Variants in AGL observed in about 807,000 individuals in gnomAD.
AGL encodes the protein glycogen debranching enzyme.
In AGL, 128 loss-of-function variants were observed where a neutral mutation model predicts 199.3. The observed-to-expected ratio is 0.64, with a 90% confidence interval of 0.56 to 0.74. The LOEUF (loss-of-function observed/expected upper bound fraction) is 0.74, where lower values mean the gene tolerates loss of function less well. Ranked by LOEUF, AGL falls within the 30% of genes least tolerant of loss-of-function variation. AGL has a pLI of 0.00. For missense variants in AGL, 1,809 were observed against 1,820.8 expected, an observed-to-expected ratio of 0.99 and a Z score of 0.12; for synonymous variants, 584 against 594.7, an observed-to-expected ratio of 0.98 and a Z score of 0.26.
chr1:99,881,109 A>G lies in AGL; in HGVS notation c.1933A>G (p.Thr645Ala), dbSNP rs576969969. 5.1e-5 allele frequency: 82 copies of G among 1,613,824 alleles called. No individual in the cohort carries two copies. Among genetic ancestry groups the G allele is most frequent in the Admixed American group, 3.3e-4 (20 of 59,988 alleles). The change falls in exon 15 of 34, where the codon ACA (threonine) becomes GCA (alanine). Residue 645 changes from threonine (T) to alanine (A), a missense_variant. By Grantham distance (58) the Thr-to-Ala change is moderately conservative. Coordinates refer to ENST00000361915, the MANE Select transcript of AGL (RefSeq NM_000642.3). Reference protein sequence around the residue: ...RSAYDALPSTTIVSMACCASG... With the variant: ...RSAYDALPSTAIVSMACCASG... Reference sequence around the variant, plus strand: ...AGCGTATGATGCTCTTCCAAGTACTACAATTGTTTCTATGGCATGTTGTGC... The same window carrying G: ...AGCGTATGATGCTCTTCCAAGTACTGCAATTGTTTCTATGGCATGTTGTGC...
chr1:99,880,361 T>C (rs1651911098), intron 13 of AGL, among the ~76,000 whole-genome samples: 1 of 152,196 alleles, frequency 6.6e-6, no homozygotes, highest in East Asian at 1.9e-4. Context: ...GATGTAATGT[T>C]TAGATGTTTT....
chr1:99,910,870 G>A (rs376893497), intron 28 of AGL, 23 bp downstream of exon 28: 3 of 1,605,128 alleles, frequency 1.9e-6, no homozygotes, highest in African/African-American at 2.7e-5. Context: ...TTATAATGCT[G>A]TGTAATTATA....
intron 12 of AGL, among the ~76,000 whole-genome samples, chr1:99,878,735 T>C (rs1651773413): frequency 6.6e-6 from 1 of 152,156 alleles, no homozygotes; most frequent in Non-Finnish European, 1.5e-5. Flanking sequence ...AGCAGTATTA[T>C]AATATATATT....
At chr1:99,892,306 G>A in intron 23 of AGL, 126 bp from the exon 24 acceptor site, 1 of 883,130 alleles carries the variant, frequency 1.1e-6, no homozygotes, top group Non-Finnish European at 1.7e-6. Flanking sequence ...TTTTAAAAAT[G>A]TTAAGTAATA....
intron 24 of AGL, among the ~76,000 whole-genome samples, chr1:99,893,359 T>C (rs1653055249): frequency 6.6e-6 from 1 of 152,204 alleles, no homozygotes; most frequent in African/African-American, 2.4e-5. Flanking sequence ...GAAAATTACC[T>C]TTCCATTAAA....
Position 99,864,401 on chromosome 1 carries a change from A to G in AGL, c.476A>G (p.His159Arg), listed in dbSNP as rs2101093703. Residue 159 changes from histidine (H) to arginine (R), a missense_variant, in exon 5 of 34, where the codon CAT becomes CGT. By Grantham distance (29) the His-to-Arg change is conservative. Transcript: ENST00000361915. ...VAKESGYNMI[H>R]FTPLQTLGLS... ...TGCTTTGCAGGCTACAACATGATTCATTTTACCCCATTGCAGACTCTTGGA... is the reference window on the plus strand; with the variant it reads ...TGCTTTGCAGGCTACAACATGATTCGTTTTACCCCATTGCAGACTCTTGGA... 1 of 1,613,666 alleles carries G rather than the reference A, an allele frequency of 6.2e-7. No individual in the cohort carries two copies. The highest frequency in any genetic ancestry group is 8.5e-7 in the Non-Finnish European group (1 of 1,179,740).
Position 99,879,970 on chromosome 1 carries a change from A to G in AGL, c.1659A>G (p.Val553=), listed in dbSNP as rs2101145334. ...ATTTGCAACCCAATTTATATGTAGTAGCTGAACTGTTCACAGGAAGTGAAG... is the reference window on the plus strand; with the variant it reads ...ATTTGCAACCCAATTTATATGTAGTGGCTGAACTGTTCACAGGAAGTGAAG... ...ARNLQPNLYV[V]AELFTGSEDL... The change falls in exon 13 of 34, where the codon GTA becomes GTG. Residue 553 remains valine (V), a synonymous_variant. Coordinates refer to ENST00000361915, the MANE Select transcript of AGL (RefSeq NM_000642.3). 1 of 1,613,756 alleles carries G rather than the reference A, an allele frequency of 6.2e-7. No homozygotes were observed. Among genetic ancestry groups the G allele is most frequent in the Non-Finnish European group, 8.5e-7 (1 of 1,179,806 alleles).
rs377514429 is a variant in AGL at position 99,901,972 on chromosome 1, C to T, written c.3589-711C>T. The stretch of plus-strand genomic sequence containing the variant: ...TATTTTACACATAACTTTGTTTTCT[C>T]ACAGTTTATCCAAAAATATTCACAG... On this transcript the variant is annotated intron_variant, in intron 26 of 33. Coordinates refer to ENST00000361915, the MANE Select transcript of AGL (RefSeq NM_000642.3). 2.0e-4 allele frequency among the ~76,000 whole-genome samples: 31 copies of T among 152,030 alleles called. 1 individual carries two copies. In the East Asian group the frequency reaches 5.4e-3, roughly 26 times the overall value.
intron 22 of AGL, 27 bp downstream of exon 22, chr1:99,891,383 A>G (rs1231092717): frequency 3.7e-6 from 6 of 1,612,310 alleles, no homozygotes; most frequent in East Asian, 4.5e-5. Flanking sequence ...TATCGTCCCA[A>G]AAAATCAAGG....
At position 99,876,527 on chromosome 1, in the gene AGL, AGC is replaced by A. The variant is rs1216418815; in HGVS notation, c.1354_1355del (p.Ala452LeufsTer14). 6.2e-7 allele frequency: 1 copy of A among 1,613,904 alleles called. No individual in the cohort carries two copies. Among genetic ancestry groups the A allele is most frequent in the South Asian group, 1.1e-5 (1 of 91,068 alleles). ...EESMIHLPNK[A>X]CFLMAHNGWV... ...AATCTATGATTCATCTGCCAAATAAAGCTTGTTTTCTGATGGCACACAATGGA... is the reference window on the plus strand; with the variant it reads ...AATCTATGATTCATCTGCCAAATAAATTGTTTTCTGATGGCACACAATGGA... On this transcript the variant is annotated frameshift_variant, in exon 11 of 34. Coordinates refer to ENST00000361915, the MANE Select transcript of AGL (RefSeq NM_000642.3). LOFTEE classifies it high-confidence loss of function.
Position 99,861,516 on chromosome 1 carries a change from G to A in AGL, c.96G>A (p.Gln32=). 1 of 1,613,976 alleles carries A rather than the reference G, an allele frequency of 6.2e-7. No individual in the cohort carries two copies. The highest frequency in any genetic ancestry group is 1.1e-5 in the South Asian group (1 of 91,076). The stretch of plus-strand genomic sequence containing the variant: ...CTTTTTATTTAGGGTATGAGCTACA[G>A]TTCCGATTAGGCCCAACTTTACAGG... ...LFRLEQGYEL[Q]FRLGPTLQGK... is the part of the protein sequence containing the mutation. The change falls in exon 3 of 34, where the codon CAG becomes CAA. Residue 32 remains glutamine (Q), a synonymous_variant. Transcript: ENST00000361915.
intron 4 of AGL, among the ~76,000 whole-genome samples, chr1:99,863,003 G>T (rs951655355): frequency 6.6e-6 from 1 of 151,316 alleles, no homozygotes; most frequent in African/African-American, 2.4e-5. Context: ...GCAATGGTGC[G>T]ATCTCAGCTC....
At chr1:99,890,480 A>G (rs1194114839) in intron 21 of AGL, among the ~76,000 whole-genome samples, 3 of 152,110 alleles carry the variant, frequency 2.0e-5, no homozygotes, top group African/African-American at 7.2e-5. Context: ...TAGTTTCTCA[A>G]AACATGCTAC....
chr1:99,912,544 A>T, intron 29 of AGL, 27 bp downstream of exon 29: 1 of 1,504,688 alleles, frequency 6.6e-7, no homozygotes, highest in Non-Finnish European at 9.2e-7. Flanking sequence ...ATTTACAAAG[A>T]ACCTTCAAAT....
chr1:99,873,654 G>C (rs533279252), intron 7 of AGL, among the ~76,000 whole-genome samples: 69 of 152,144 alleles, frequency 4.5e-4, no homozygotes, highest in Non-Finnish European at 6.9e-4. Context: ...GGCTGGTCTC[G>C]ATCTCTTGAC....
chr1:99,859,789 G>A (rs920263176), intron 2 of AGL, among the ~76,000 whole-genome samples: 15 of 152,152 alleles, frequency 9.9e-5, no homozygotes, highest in African/African-American at 3.4e-4. Context: ...TGATCCTCTC[G>A]CCTCGGCCTC....
Position 99,875,556 on chromosome 1 carries a change from G to A in AGL, c.1283+101G>A, listed in dbSNP as rs562676078. ...ATGTTTTCTTTAACATGTGAGTTCA[G>A]TACATTTCTTAAATTGAAATAGAAG... On this transcript the variant is annotated intron_variant, in intron 10 of 33. Coordinates refer to ENST00000361915, the MANE Select transcript of AGL (RefSeq NM_000642.3). 643 of 979,536 alleles carry A rather than the reference G, an allele frequency of 6.6e-4. 2 individuals are homozygous for A. The highest frequency in any genetic ancestry group is 7.4e-4 in the Non-Finnish European group (466 of 633,350). 60.7% of individuals were successfully genotyped at this position (979,536 alleles called of 1,614,324 possible).
At chr1:99,915,060 C>G (rs1293870350) in intron 30 of AGL, among the ~76,000 whole-genome samples, 1 of 152,112 alleles carries the variant, frequency 6.6e-6, no homozygotes, top group Non-Finnish European at 1.5e-5. Context: ...AGCCTGGTGA[C>G]AGAGTGAGAC....
rs759225609 is a variant in AGL, at chr1:99,880,021, A to G, written c.1710A>G (p.Arg570=). 1.2e-6 allele frequency: 2 copies of G among 1,613,574 alleles called. No homozygotes were observed. The change falls in exon 13 of 34, where the codon AGA becomes AGG. Residue 570 remains arginine (R), a synonymous_variant. Coordinates refer to ENST00000361915, the MANE Select transcript of AGL (RefSeq NM_000642.3). ...SEDLDNVFVT[R]LGISSLIREA... The stretch of plus-strand genomic sequence containing the variant: ...ATCTGGACAATGTCTTTGTTACTAG[A>G]CTGGGCATTAGTTCCTTAATAAGAG...
Sources: gnomAD v4.1 joint callset for allele counts (sites outside exome capture counted in the v4.1 genomes callset) on GRCh38, gnomAD v4.1.1 for gene constraint, MANE v1.5 for transcripts, NCBI Gene and HGNC (gene_info 2026-07-23, HGNC 2026-07-21) for gene names.